ABCG5: variants seen among roughly 807,000 people sequenced by gnomAD.
The protein encoded by ABCG5 is ATP binding cassette subfamily G member 5, also known as ATP-binding cassette sub-family G member 5.
ABCG5 carries 64 observed loss-of-function variants against 64.5 expected under a neutral mutation model. The observed-to-expected ratio is 0.99, with a 90% CI of 0.81 to 1.22. The LOEUF is 1.22. ABCG5 is among the 50% of genes most tolerant of loss of function. ABCG5 has a pLI of 0.00. For synonymous variants in ABCG5, 385 were observed against 326.3 expected (o/e 1.18, Z -1.94); for missense variants, 908 against 829.5 (o/e 1.09, Z -1.16).
chr2:43,826,189 G>A (rs2104829369), intron 6 of ABCG5, among the ~76,000 whole-genome samples, 193 bp downstream of exon 6: 1 of 150,104 alleles, frequency 6.7e-6, no homozygotes, highest in Non-Finnish European at 1.5e-5. Flanking sequence ...TTAGAGATGG[G>A]GAGTCTCACT....
chr2:43,816,398 C>A lies in ABCG5; in HGVS notation c.1650-1809G>T, dbSNP rs1224242150. On this transcript the variant is annotated intron_variant, in intron 11 of 12. Coordinates refer to ENST00000405322, the MANE Select transcript of ABCG5 (RefSeq NM_022436.3). Reference sequence around the variant, plus strand: ...GCCTTCAAAGAGAGTGCGCCTCTAGCCTTGGGAACAACCAACAGACTTTGT... The same window carrying A: ...GCCTTCAAAGAGAGTGCGCCTCTAGACTTGGGAACAACCAACAGACTTTGT... 2.6e-5 allele frequency among the ~76,000 whole-genome samples: 4 copies of A among 152,122 alleles called. No homozygotes were observed. The East Asian group carries it at 7.7e-4, about 29-fold the overall frequency.
Position 43,838,620 on chromosome 2 carries a change from G to T in ABCG5, c.60C>A (p.Gly20=), listed in dbSNP as rs2104899767. 1 of 1,613,154 alleles carries T rather than the reference G, an allele frequency of 6.2e-7. No individual in the cohort carries two copies. The highest frequency in any genetic ancestry group is 8.5e-7 in the Non-Finnish European group (1 of 1,179,814). The change falls in exon 1 of 13, where the codon GGC becomes GGA. Residue 20 remains glycine, a synonymous_variant. Transcript: ENST00000405322. This position sits in a 1 kb window ranked among gnomAD's most constrained non-coding sequence, Gnocchi z 4.2. ...GAGCCCCCTCCAGGGAGCTCTGGGA[G>T]CCTCTGTTTACTTGGAGACCCATGG... The part of the protein sequence containing the change: ...GGSMGLQVNR[G]SQSSLEGAPA...
In ABCG5 at chr2:43,816,733, G is replaced by GA. The variant is rs951415788; in HGVS notation, c.1650-2145dup. ...TAATTCATATTATGTTGTTAAATGG[G>GA]AAAAAAAGTATGCATATTTTATATC... On this transcript the variant is annotated intron_variant, in intron 11 of 12. Coordinates refer to ENST00000405322, the MANE Select transcript of ABCG5 (RefSeq NM_022436.3). Among the ~76,000 whole-genome samples the GA allele has an allele frequency of 9.2e-5, 14 of 151,908 alleles. No individual in the cohort carries two copies. The South Asian group carries it at 1.9e-3, about 20-fold the overall frequency.
intron 2 of ABCG5, among the ~76,000 whole-genome samples, chr2:43,836,781 G>C (rs1668297289): frequency 6.6e-6 from 1 of 152,184 alleles, no homozygotes; most frequent in Non-Finnish European, 1.5e-5. Flanking sequence ...AGAACGGGCA[G>C]TGGATGACCT....
intron 2 of ABCG5, among the ~76,000 whole-genome samples, chr2:43,837,084 T>C (rs1450236968): frequency 6.6e-6 from 1 of 150,742 alleles, no homozygotes; most frequent in African/African-American, 2.4e-5. Flanking sequence ...TAAGGCCCGA[T>C]GTTAATACAT....
chr2:43,822,574 A>G (rs1667298565), intron 10 of ABCG5: 1 of 983,956 alleles, frequency 1.0e-6, no homozygotes, highest in Middle Eastern at 5.2e-4. Flanking sequence ...TCCCAGGCAC[A>G]TGTCATCTTG....
chr2:43,828,224 G>A (rs574209952), intron 4 of ABCG5, 109 bp from the exon 5 acceptor site: 4 of 1,507,046 alleles, frequency 2.7e-6, no homozygotes, highest in Non-Finnish European at 3.6e-6. Flanking sequence ...AGAATCCAAG[G>A]GCCACTTCCA....
At chr2:43,817,636 G>A (rs571194599) in intron 11 of ABCG5, among the ~76,000 whole-genome samples, 216 of 151,088 alleles carry the variant, frequency 1.4e-3, no homozygotes, top group Non-Finnish European at 2.2e-3. Flanking sequence ...AAGGCCAGAC[G>A]CGGTGGCTCA....
chr2:43,837,202 C>G (rs1668331615), intron 2 of ABCG5, among the ~76,000 whole-genome samples: 1 of 148,866 alleles, frequency 6.7e-6, no homozygotes. Context: ...TCACTGAAGT[C>G]TTAATCTCCT....
rs369709495 is a variant in ABCG5, at chr2:43,822,850, G to A, written c.1410C>T (p.His470=). The change falls in exon 10 of 13, where the codon CAC becomes CAT. Residue 470 remains histidine (H), a synonymous_variant. Transcript: ENST00000405322. ...KWQMMLAYAL[H]VLPFSVVATM... ...TGGCAACAACGCTGAAGGGGAGGACGTGCAGTGCATAGGCCAGCATCATCT... is the reference window on the plus strand; with the variant it reads ...TGGCAACAACGCTGAAGGGGAGGACATGCAGTGCATAGGCCAGCATCATCT... 7.9e-5 allele frequency: 127 copies of A among 1,614,048 alleles called. No individual in the cohort carries two copies. The highest frequency in any genetic ancestry group is 4.9e-4 in the Middle Eastern group (3 of 6,082).
chr2:43,826,322 C>G, intron 6 of ABCG5, 60 bp downstream of exon 6: 4 of 1,611,092 alleles, frequency 2.5e-6, no homozygotes, highest in Non-Finnish European at 3.4e-6. Flanking sequence ...CTTGCCCCTG[C>G]CCCTGTGATT....
intron 4 of ABCG5, among the ~76,000 whole-genome samples, chr2:43,829,494 T>A (rs1490437476): frequency 6.6e-6 from 1 of 152,210 alleles, no homozygotes; most frequent in African/African-American, 2.4e-5. Context: ...TTCCTCCTCA[T>A]TCTCAACTCT....
At chr2:43,824,701 C>G (rs1667479555) in intron 7 of ABCG5, 188 bp downstream of exon 7, 1 of 943,018 alleles carries the variant, frequency 1.1e-6, no homozygotes, top group Non-Finnish European at 1.3e-6. Flanking sequence ...TGAGAGAGAT[C>G]CCTGACCTCA....
rs560839317 is a variant in ABCG5, at chr2:43,838,755, G to A, written c.-76C>T. 63 of 1,577,666 alleles carry A rather than the reference G, an allele frequency of 4.0e-5. 1 individual carries two copies. The East Asian group carries it at 8.5e-4, about 21-fold the overall frequency. On this transcript the variant is annotated 5_prime_UTR_variant, in exon 1 of 13. The change creates a new upstream start codon in the 5' untranslated region. Coordinates refer to ENST00000405322, the MANE Select transcript of ABCG5 (RefSeq NM_022436.3). This position sits in a 1 kb window ranked among gnomAD's most constrained non-coding sequence, Gnocchi z 4.2. The stretch of plus-strand genomic sequence containing the variant: ...CAGAGTGGCTTCAGTTGGGGAGCCC[G>A]TGGCAGACTGCCCTGCCTGCTCCAC...
At chr2:43,833,188 G>GC (rs1008211921) in intron 2 of ABCG5, among the ~76,000 whole-genome samples, 48 of 151,998 alleles carry the variant, frequency 3.2e-4, no homozygotes, top group African/African-American at 1.2e-3. Flanking sequence ...TTTACCATAG[G>GC]CCCAGAGTTC....
At chr2:43,817,585 C>A (rs987188378) in intron 11 of ABCG5, among the ~76,000 whole-genome samples, 1 of 151,992 alleles carries the variant, frequency 6.6e-6, no homozygotes, top group Admixed American at 6.6e-5. Context: ...TCCAGATAAA[C>A]CCATCATAAG....
upstream of ABCG5, chr2:43,839,137 C>A: frequency 1.9e-6 from 3 of 1,550,838 alleles, no homozygotes; most frequent in Non-Finnish European, 2.6e-6. Context: ...AATGGGAAGT[C>A]GGCCCAGGCC....
chr2:43,830,869 AAGG>A (rs1267764098), intron 4 of ABCG5, among the ~76,000 whole-genome samples: 1 of 152,220 alleles, frequency 6.6e-6, no homozygotes, highest in Non-Finnish European at 1.5e-5. Flanking sequence ...TGGAACCTAG[AAGG>A]AGTTGACAAT....
chr2:43,832,209 G>T (rs984942871), intron 2 of ABCG5, 126 bp from the exon 3 acceptor site: 1 of 1,348,604 alleles, frequency 7.4e-7, no homozygotes, highest in Non-Finnish European at 1.0e-6. Context: ...CCCTGTTCTA[G>T]GTGTTAAGGA....
Sources: allele counts gnomAD v4.1 joint callset (sites outside exome capture counted in the v4.1 genomes callset), GRCh38; gene constraint gnomAD v4.1.1; non-coding constraint Gnocchi (gnomAD v3.1); transcripts MANE v1.5; gene names NCBI Gene and HGNC (gene_info 2026-07-23, HGNC 2026-07-21).